Variants in AKR1C2 observed in about 807,000 individuals in gnomAD.
The protein encoded by AKR1C2 is aldo-keto reductase family 1 member C2, also known as 3-alpha-HSD3.
A neutral mutation model predicts 39.8 loss-of-function variants in AKR1C2; 27 were observed. That is an observed-to-expected ratio of 0.68 (90% confidence interval 0.50 to 0.93). The LOEUF is 0.93. Among genes scored for constraint, AKR1C2 ranks in the 40% least tolerant of loss-of-function variants. The pLI, the probability that AKR1C2 is intolerant of heterozygous loss-of-function variation, is 0.00. For synonymous variants in AKR1C2, 114 were observed against 137.9 expected (o/e 0.83, Z 1.22); for missense variants, 263 against 365.1 (o/e 0.72, Z 2.28).
upstream of AKR1C2, chr10:5,006,705 A>G (rs1244920546): frequency 1.3e-5 from 2 of 152,124 alleles, no homozygotes; most frequent in African/African-American, 4.8e-5. Flanking sequence ...TTTGGAGGAT[A>G]TAGTAGGTGA....
rs1227382111 is a variant in AKR1C2 at position 4,988,884 on chromosome 10, GTTC to G, written c.*1109_*1111del. ...ATAAGAATTAAATGCCTTTGTAAGA[GTTC>G]TTCTTAAAATTTACCAAAGTTTGAA... On this transcript the variant is annotated 3_prime_UTR_variant, in exon 9 of 9. Coordinates refer to ENST00000380753, the MANE Select transcript of AKR1C2 (RefSeq NM_001393392.1). The G allele has an allele frequency of 6.6e-6, 1 of 152,012 alleles. No individual in the cohort carries two copies. Among genetic ancestry groups the G allele is most frequent in the Non-Finnish European group, 1.5e-5 (1 of 67,990 alleles). 9.4% of individuals were successfully genotyped at this position (152,012 alleles called of 1,614,324 possible).
chr10:5,008,878 G>C (rs1349262394), upstream of AKR1C2, among the ~76,000 whole-genome samples: 2 of 152,214 alleles, frequency 1.3e-5, no homozygotes, highest in Non-Finnish European at 2.9e-5. Flanking sequence ...TGTTTGTCCT[G>C]AGATTTCCTG....
intron 5 of AKR1C2, chr10:4,997,124 T>C (rs1837079305): frequency 3.3e-5 from 5 of 152,236 alleles, no homozygotes; most frequent in Admixed American, 2.6e-4. Flanking sequence ...CATTCTGTGA[T>C]TGTATGCAGT....
intron 8 of AKR1C2, among the ~76,000 whole-genome samples, chr10:4,990,396 C>T (rs1475131163): frequency 6.6e-6 from 1 of 152,116 alleles, no homozygotes; most frequent in Non-Finnish European, 1.5e-5. Flanking sequence ...CTCCTTCTGC[C>T]TTACATTGAA....
At chr10:5,006,176 A>G (rs1442693943), upstream of AKR1C2, 4 of 152,268 alleles carry the variant, frequency 2.6e-5, no homozygotes, top group Admixed American at 2.6e-4. Flanking sequence ...CCATGGTAGT[A>G]GAGAAATTAT....
At chr10:4,995,958 C>G in intron 5 of AKR1C2, 93 bp from the exon 6 acceptor site, 2 of 1,431,050 alleles carry the variant, frequency 1.4e-6, no homozygotes, top group South Asian at 2.7e-5. Flanking sequence ...TAATGTAGAG[C>G]ATTAAATTTG....
At chr10:5,013,256 A>G (rs562175228) in intron 1 of AKR1C2, 1 of 152,352 alleles carries the variant, frequency 6.6e-6, no homozygotes, top group South Asian at 2.1e-4. Flanking sequence ...TTTAATTCTA[A>G]TTCTGAAAAA....
At chr10:5,002,313 C>T (rs1837298178) in intron 1 of AKR1C2, among the ~76,000 whole-genome samples, 1 of 152,154 alleles carries the variant, frequency 6.6e-6, no homozygotes, top group African/African-American at 2.4e-5. Context: ...CGTAGAGCCA[C>T]CATTCTTATC....
upstream of AKR1C2, among the ~76,000 whole-genome samples, chr10:5,008,550 T>C (rs1554774628): frequency 6.6e-6 from 1 of 152,032 alleles, no homozygotes; most frequent in Non-Finnish European, 1.5e-5. Context: ...TTGTTTACAA[T>C]CTGGTGGAAA....
At chr10:5,003,666 A>G in intron 1 of AKR1C2, 86 bp downstream of exon 1, 2 of 1,289,790 alleles carry the variant, frequency 1.6e-6, no homozygotes, top group South Asian at 2.5e-5. Flanking sequence ...ATGCAGAGTA[A>G]CATAGGAACA....
chr10:5,017,780 C>G (rs1837671939), intron 1 of AKR1C2: 1 of 152,336 alleles, frequency 6.6e-6, no homozygotes, highest in African/African-American at 2.4e-5. Flanking sequence ...TTATTTTATT[C>G]TCCCACTGCT....
intron 1 of AKR1C2, among the ~76,000 whole-genome samples, chr10:5,011,181 A>G (rs1191081818): frequency 6.6e-6 from 1 of 152,196 alleles, no homozygotes; most frequent in African/African-American, 2.4e-5. Flanking sequence ...AAACCCAAAT[A>G]ACCTCTTTAA....
At chr10:5,017,043 G>A (rs1269592930) in intron 1 of AKR1C2, among the ~76,000 whole-genome samples, 16 of 152,328 alleles carry the variant, frequency 1.1e-4, no homozygotes, top group Admixed American at 9.8e-4. Flanking sequence ...AGAGCAGTAG[G>A]ACCCTGGGCT....
At position 4,989,958 on chromosome 10, in the gene AKR1C2, C is replaced by G. The variant is rs782051110; in HGVS notation, c.*38G>C. The G allele has an allele frequency of 1.1e-5, 17 of 1,545,966 alleles. No homozygotes were observed. The highest frequency in any genetic ancestry group is 5.1e-5 in the Admixed American group (3 of 58,296). ...CATCCTCTGTGTCACCATCCACACG[C>G]AGGGCCTTCTGGCAGACCTCATGCA... On this transcript the variant is annotated 3_prime_UTR_variant, in exon 9 of 9. Transcript: ENST00000380753.
chr10:4,988,378 A>G lies in AKR1C2; in HGVS notation c.*1618T>C, dbSNP rs1230858994. 6.6e-6 allele frequency: 1 copy of G among 152,126 alleles called. No homozygotes were observed. Among genetic ancestry groups the G allele is most frequent in the Non-Finnish European group, 1.5e-5 (1 of 68,032 alleles). The allele number at this position is 152,126 out of a possible 1,614,324, so 9.4% of individuals were successfully genotyped here. On this transcript the variant is annotated 3_prime_UTR_variant, in exon 9 of 9. Coordinates refer to ENST00000380753, the MANE Select transcript of AKR1C2 (RefSeq NM_001393392.1). ...TTTAACATGGAGATGCAGAGTTCAC[A>G]TTATGATCTTCCATTGAAGATTTGG...
In AKR1C2 at chr10:4,998,754, A is replaced by C; in HGVS notation, c.448-7T>G. Reference sequence around the variant, plus strand: ...CTTTACACTTCTCCATGGCCTGGGAAAAAGGAATTGTGAGGTATCATTTGT... The same window carrying C: ...CTTTACACTTCTCCATGGCCTGGGACAAAGGAATTGTGAGGTATCATTTGT... On this transcript the variant is annotated splice_region_variant and splice_polypyrimidine_tract_variant and intron_variant, in intron 4 of 8. Coordinates refer to ENST00000380753, the MANE Select transcript of AKR1C2 (RefSeq NM_001393392.1). 1 of 1,614,072 alleles carries C rather than the reference A, an allele frequency of 6.2e-7. No individual in the cohort carries two copies. The highest frequency in any genetic ancestry group is 8.5e-7 in the Non-Finnish European group (1 of 1,179,966).
At position 4,994,269 on chromosome 10, in the gene AKR1C2, C is replaced by CAACT. The variant is rs10643636; in HGVS notation, c.846+1049_846+1050insAGTT. Among the ~76,000 whole-genome samples the CAACT allele has an allele frequency of 3.3e-5, 5 of 151,896 alleles. No homozygotes were observed. The Middle Eastern group carries it at 9.7e-3, about 294-fold the overall frequency. On this transcript the variant is annotated intron_variant, in intron 7 of 8. Transcript: ENST00000380753. ...CTTGAGAATATATGAAATAATATATCTATATATATTCATATTCATACATAT... is the reference window on the plus strand; with the variant it reads ...CTTGAGAATATATGAAATAATATATCAACTTATATATATTCATATTCATACATAT...
At chr10:5,005,291 C>T (rs1173189737), upstream of AKR1C2, among the ~76,000 whole-genome samples, 26 of 152,166 alleles carry the variant, frequency 1.7e-4, no homozygotes, top group Admixed American at 2.0e-4. Flanking sequence ...GACTGAGAAC[C>T]TGCCGCACAT....
chr10:5,000,374 T>A (rs1837221992), intron 3 of AKR1C2, 176 bp downstream of exon 3: 2 of 1,551,114 alleles, frequency 1.3e-6, no homozygotes, highest in African/African-American at 1.4e-5. Flanking sequence ...CACGGAAGTA[T>A]GGATTCAAAA....
Sources: allele counts gnomAD v4.1 joint callset (sites outside exome capture counted in the v4.1 genomes callset), GRCh38; gene constraint gnomAD v4.1.1; transcripts MANE v1.5; gene names NCBI Gene and HGNC (gene_info 2026-07-23, HGNC 2026-07-21).